Variants in NTM observed in about 807,000 individuals in gnomAD.
NTM encodes neurotrimin.
In NTM, 13 loss-of-function variants were observed where a neutral mutation model predicts 42.1. The ratio of observed to expected loss-of-function variants is 0.31; its 90% CI spans 0.20 to 0.49. The LOEUF is 0.49. NTM is among the 20% of genes least tolerant of loss of function. The probability of loss-of-function intolerance (pLI) is 0.99; values close to 1 mark genes in which losing one functional copy is unlikely to be tolerated. For synonymous variants in NTM, 187 were observed against 179.2 expected (o/e 1.04, Z -0.35); for missense variants, 373 against 452.8 (o/e 0.82, Z 1.60).
intron 3 of NTM, among the ~76,000 whole-genome samples, chr11:132,163,264 C>G (rs36090941): frequency 0.24 from 36,789 of 152,168 alleles, 5,754 homozygotes; most frequent in Non-Finnish European, 0.35. Flanking sequence ...CTGCTCCAGG[C>G]TGGGGTCCTT....
chr11:131,794,542 T>C, intron 1 of NTM: 1 of 985,416 alleles, frequency 1.0e-6, no homozygotes, highest in Non-Finnish European at 1.2e-6. Context: ...TGCTGCTTTT[T>C]ACCTATTCAT....
chr11:131,545,555 A>T (rs1342128762), intron 1 of NTM, among the ~76,000 whole-genome samples: 1 of 152,138 alleles, frequency 6.6e-6, no homozygotes, highest in East Asian at 1.9e-4. Flanking sequence ...TCTTCTTGAC[A>T]TCAGTCTCTT....
At chr11:132,030,254 A>G (rs1050449786) in intron 2 of NTM, among the ~76,000 whole-genome samples, 13 of 152,120 alleles carry the variant, frequency 8.5e-5, no homozygotes, top group Non-Finnish European at 1.8e-4. Flanking sequence ...TCCACCTAAA[A>G]TAAAATTAAA....
chr11:131,688,208 C>T (rs789530), intron 1 of NTM, among the ~76,000 whole-genome samples: 1 of 152,070 alleles, frequency 6.6e-6, no homozygotes, highest in Non-Finnish European at 1.5e-5. Context: ...GCTGCCTCCA[C>T]CGAGCTGGAG....
At chr11:132,316,142 C>A (rs1380933054) in intron 7 of NTM, among the ~76,000 whole-genome samples, 1 of 148,874 alleles carries the variant, frequency 6.7e-6, no homozygotes, top group Non-Finnish European at 1.5e-5. Flanking sequence ...TTGACCTACT[C>A]TCTCCTGACT....
At chr11:132,144,159 A>T (rs1246516706) in intron 2 of NTM, among the ~76,000 whole-genome samples, 1 of 152,214 alleles carries the variant, frequency 6.6e-6, no homozygotes, top group Non-Finnish European at 1.5e-5. Context: ...GTGCTAGCTC[A>T]GTGCTTCTTA....
chr11:131,513,347 T>A (rs2048492565), intron 1 of NTM, among the ~76,000 whole-genome samples: 1 of 152,020 alleles, frequency 6.6e-6, no homozygotes, highest in Non-Finnish European at 1.5e-5. Flanking sequence ...TCTGCACCCA[T>A]CCTCTGGGGT....
intron 1 of NTM, among the ~76,000 whole-genome samples, chr11:131,381,390 T>C (rs886660852): frequency 4.6e-5 from 7 of 152,208 alleles, no homozygotes; most frequent in Non-Finnish European, 5.9e-5. Flanking sequence ...CAGCTTTTTT[T>C]CTCAATGCAA....
intron 1 of NTM, among the ~76,000 whole-genome samples, chr11:131,696,587 G>T (rs1413188164): frequency 6.6e-6 from 1 of 152,136 alleles, no homozygotes; most frequent in African/African-American, 2.4e-5. Context: ...ACCCTCCACT[G>T]TACCTAACCT....
At chr11:132,156,910 G>A (rs2073315575) in intron 3 of NTM, among the ~76,000 whole-genome samples, 1 of 152,212 alleles carries the variant, frequency 6.6e-6, no homozygotes, top group African/African-American at 2.4e-5. Flanking sequence ...ACACAGAGGA[G>A]AAGGCAGTGT....
At chr11:131,921,223 A>T (rs1358337161) in intron 2 of NTM, among the ~76,000 whole-genome samples, 1 of 152,196 alleles carries the variant, frequency 6.6e-6, no homozygotes, top group Non-Finnish European at 1.5e-5. Context: ...CTACAGATGT[A>T]ATTAGCTAAG....
intron 2 of NTM, among the ~76,000 whole-genome samples, chr11:131,949,312 G>A (rs2060719979): frequency 6.6e-6 from 1 of 152,134 alleles, no homozygotes; most frequent in Admixed American, 6.5e-5. Flanking sequence ...ATGAGCATGG[G>A]CGTGCTAATA....
At chr11:132,313,058 A>C (rs1159220128) in intron 6 of NTM, among the ~76,000 whole-genome samples, 1 of 152,104 alleles carries the variant, frequency 6.6e-6, no homozygotes, top group Non-Finnish European at 1.5e-5. Context: ...TCCGGCCAGA[A>C]CCTGCCTCTC....
At chr11:131,686,488 GCCATGTTCA>G (rs1281571066) in intron 1 of NTM, among the ~76,000 whole-genome samples, 3 of 152,078 alleles carry the variant, frequency 2.0e-5, no homozygotes, top group Non-Finnish European at 4.4e-5. Flanking sequence ...CTTCATCCTC[GCCATGTTCA>G]CCATGAGTAG....
intron 1 of NTM, among the ~76,000 whole-genome samples, chr11:131,473,433 C>T (rs11222661): frequency 0.01 from 1,588 of 152,250 alleles, 28 homozygotes; most frequent in African/African-American, 0.036. Flanking sequence ...GACACAAACT[C>T]ATGCATTTTT....
intron 2 of NTM, among the ~76,000 whole-genome samples, chr11:132,040,819 A>G (rs1273876081): frequency 1.3e-5 from 2 of 152,206 alleles, no homozygotes; most frequent in East Asian, 3.8e-4. Context: ...TTATCTGTGC[A>G]TGTTCTTTGA....
chr11:131,428,015 C>G (rs959684348), intron 1 of NTM, among the ~76,000 whole-genome samples: 1 of 152,234 alleles, frequency 6.6e-6, no homozygotes, highest in Non-Finnish European at 1.5e-5. Flanking sequence ...CTCAGTTTCA[C>G]AAAGATGACT....
intron 1 of NTM, among the ~76,000 whole-genome samples, chr11:131,659,647 G>T (rs1478045228): frequency 6.6e-6 from 1 of 152,214 alleles, no homozygotes; most frequent in Non-Finnish European, 1.5e-5. Context: ...GTTAGGAAAA[G>T]TTTCAGCATA....
intron 1 of NTM, among the ~76,000 whole-genome samples, chr11:131,563,549 T>G (rs2056493728): frequency 6.6e-6 from 1 of 151,672 alleles, no homozygotes; most frequent in African/African-American, 2.4e-5. Flanking sequence ...CTGAACTTGC[T>G]TTCTATTTCT....
Sources: allele counts gnomAD v4.1 joint callset (sites outside exome capture counted in the v4.1 genomes callset), GRCh38; gene constraint gnomAD v4.1.1; transcripts MANE v1.5; gene names NCBI Gene and HGNC (gene_info 2026-07-23, HGNC 2026-07-21).